Variants in NTN1 observed in about 807,000 individuals in gnomAD.
The protein encoded by NTN1 is netrin-1.
A neutral mutation model predicts 54.2 loss-of-function variants in NTN1; 11 were observed. The observed-to-expected ratio is 0.20, with a 90% CI of 0.13 to 0.34. The LOEUF is 0.34. Ranked by LOEUF, NTN1 falls within the 10% of genes least tolerant of loss-of-function variation. NTN1 has a pLI of 1.00. For missense variants in NTN1, 740 were observed against 893.1 expected (o/e 0.83, Z 2.18); for synonymous variants, 371 against 382.0 (o/e 0.97, Z 0.33).
intron 2 of NTN1, among the ~76,000 whole-genome samples, chr17:9,070,831 A>G (rs552037030): frequency 6.6e-6 from 1 of 152,208 alleles, no homozygotes; most frequent in African/African-American, 2.4e-5. Context: ...ACCTCAGGTG[A>G]TCTGCCCGCC....
At chr17:9,072,567 C>T (rs1384214224) in intron 2 of NTN1, among the ~76,000 whole-genome samples, 1 of 152,088 alleles carries the variant, frequency 6.6e-6, no homozygotes, top group Non-Finnish European at 1.5e-5. Flanking sequence ...AGTAGCTTTG[C>T]GTGCCCGCCT....
chr17:9,144,917 G>GAGAGGCAC (rs2092308929), intron 2 of NTN1, among the ~76,000 whole-genome samples: 1 of 152,106 alleles, frequency 6.6e-6, no homozygotes, highest in African/African-American at 2.4e-5. Flanking sequence ...GGACCCCCTG[G>GAGAGGCAC]AGAGGCACAC....
At position 9,241,336 on chromosome 17, in the gene NTN1, C is replaced by G. The variant is rs1255542128; in HGVS notation, c.*1368C>G. 6.5e-6 allele frequency: 1 copy of G among 152,722 alleles called. No individual in the cohort carries two copies. Among genetic ancestry groups the G allele is most frequent in the Non-Finnish European group, 1.5e-5 (1 of 68,420 alleles). The allele number at this position is 152,722 out of a possible 1,614,324, so 9.5% of individuals were successfully genotyped here. A position where few individuals can be genotyped will look rare whatever the true frequency, so the allele number is the denominator to read the frequency against. ...CTTTGTGGAGTCTGCCCGTGCCCTC[C>G]ACTGTGCCCCAGCCCTCCTTCCAAA... On this transcript the variant is annotated 3_prime_UTR_variant, in exon 7 of 7. Transcript: ENST00000173229.
intron 5 of NTN1, among the ~76,000 whole-genome samples, chr17:9,218,684 T>G (rs1243821055): frequency 1.3e-5 from 2 of 152,142 alleles, no homozygotes; most frequent in Non-Finnish European, 2.9e-5. Context: ...CGGGCTGCTC[T>G]GGAACCTTTC....
intron 2 of NTN1, among the ~76,000 whole-genome samples, chr17:9,150,785 A>G (rs1221593513): frequency 1.3e-5 from 2 of 152,122 alleles, no homozygotes; most frequent in Non-Finnish European, 2.9e-5. Flanking sequence ...AGATGTTTAC[A>G]GAGAAAAAAA....
At position 9,021,525 on chromosome 17, in the gene NTN1, GGC is replaced by G. The variant is rs2091847764; in HGVS notation, c.-122_-121del. On this transcript the variant is annotated 5_prime_UTR_variant, in exon 1 of 7. Coordinates refer to ENST00000173229, the MANE Select transcript of NTN1 (RefSeq NM_004822.3). The stretch of plus-strand genomic sequence containing the variant: ...TCCGCCCCTCACTCCCAGCGCGAGT[GGC>G]GGCGGCGGCGGAGCCTTCGGGGGCG... The G allele has an allele frequency of 6.6e-6, 1 of 151,812 alleles. No homozygotes were observed. The allele number at this position is 151,812 out of a possible 1,614,324, so 9.4% of individuals were successfully genotyped here. A position where few individuals can be genotyped will look rare whatever the true frequency, so the allele number is the denominator to read the frequency against.
intron 2 of NTN1, among the ~76,000 whole-genome samples, chr17:9,028,555 A>C (rs2091878828): frequency 6.6e-6 from 1 of 152,188 alleles, no homozygotes; most frequent in Admixed American, 6.5e-5. Flanking sequence ...CTGTAGAAAA[A>C]TGAGATCCTC....
chr17:9,236,107 G>C (rs1044201721), intron 6 of NTN1, among the ~76,000 whole-genome samples: 1 of 125,188 alleles, frequency 8.0e-6, no homozygotes, highest in African/African-American at 2.9e-5. Context: ...TGGATATCAA[G>C]TTCCAACATA....
At position 9,218,653 on chromosome 17, in the gene NTN1, C is replaced by T. The variant is rs368599807; in HGVS notation, c.1412-2515C>T. On this transcript the variant is annotated intron_variant, in intron 5 of 6. Coordinates refer to ENST00000173229, the MANE Select transcript of NTN1 (RefSeq NM_004822.3). ...TTCCTCCTGCCCCGCCCCCCACCCC[C>T]GGGGTGGGGCTTACCTTGGGCGGGC... is the stretch of plus-strand genomic sequence containing the variant. Among the ~76,000 whole-genome samples the T allele has an allele frequency of 6.2e-4, 94 of 152,256 alleles. 3 individuals are homozygous for T. The East Asian group carries it at 0.013, about 21-fold the overall frequency.
the NTN1 span, among the ~76,000 whole-genome samples, chr17:9,007,799 A>G: frequency 8.6e-5 from 13 of 151,468 alleles, no homozygotes; most frequent in Admixed American, 1.3e-4. Flanking sequence ...TGGCATGATC[A>G]TGCCTCATTG....
the NTN1 span, among the ~76,000 whole-genome samples, chr17:9,014,917 TCA>T: frequency 6.6e-6 from 1 of 152,196 alleles, no homozygotes; most frequent in African/African-American, 2.4e-5. Context: ...TTATTTTAGT[TCA>T]CACACTGCTT....
chr17:9,058,834 G>A (rs1176195775), intron 2 of NTN1, among the ~76,000 whole-genome samples: 1 of 151,996 alleles, frequency 6.6e-6, no homozygotes, highest in African/African-American at 2.4e-5. Context: ...TCTTTAAGGA[G>A]TTGAAGGGAG....
rs75436653 is a variant in NTN1, at chr17:9,068,808, C to T, written c.1018+45417C>T. Among the ~76,000 whole-genome samples, 911 of 152,100 alleles carry T rather than the reference C, an allele frequency of 6.0e-3. 11 individuals carry two copies. Among genetic ancestry groups the T allele is most frequent in the African/African-American group, 0.02 (834 of 41,512 alleles). On this transcript the variant is annotated intron_variant, in intron 2 of 6. Coordinates refer to ENST00000173229, the MANE Select transcript of NTN1 (RefSeq NM_004822.3). ...CAGGCATAAGCCACCGCGCCTGGCC[C>T]GATTTTTTAAAAAATAGGCCTTTTC...
intron 6 of NTN1, among the ~76,000 whole-genome samples, chr17:9,226,607 G>A (rs1440317749): frequency 2.6e-5 from 4 of 152,096 alleles, no homozygotes; most frequent in Admixed American, 6.5e-5. Context: ...TTACCCTCTA[G>A]GGGATCCGGC....
At chr17:9,015,372 C>T in the NTN1 span, among the ~76,000 whole-genome samples, 5 of 152,108 alleles carry the variant, frequency 3.3e-5, no homozygotes, top group East Asian at 7.7e-4. Context: ...GATCGTGCCA[C>T]TGCACTCCAG....
At chr17:9,031,344 G>A (rs1285441393) in intron 2 of NTN1, among the ~76,000 whole-genome samples, 1 of 152,098 alleles carries the variant, frequency 6.6e-6, no homozygotes, top group Non-Finnish European at 1.5e-5. Flanking sequence ...CTGCTTTGGG[G>A]CGGCCGTGGT....
At chr17:9,227,630 C>G (rs1227055518) in intron 6 of NTN1, among the ~76,000 whole-genome samples, 1 of 150,764 alleles carries the variant, frequency 6.6e-6, no homozygotes, top group African/African-American at 2.4e-5. Context: ...CAGACTATCA[C>G]GCACACACAT....
chr17:9,083,485 A>C (rs2092079228), intron 2 of NTN1, among the ~76,000 whole-genome samples: 1 of 152,178 alleles, frequency 6.6e-6, no homozygotes, highest in Admixed American at 6.5e-5. Context: ...TGGCTACAGG[A>C]ATTGGTTCAG....
At chr17:9,143,210 C>G (rs547747133) in intron 2 of NTN1, among the ~76,000 whole-genome samples, 26 of 152,154 alleles carry the variant, frequency 1.7e-4, no homozygotes, top group Non-Finnish European at 3.7e-4. Context: ...GATAAAGGGC[C>G]ACAGACTCCA....
Sources: allele counts gnomAD v4.1 joint callset (sites outside exome capture counted in the v4.1 genomes callset), GRCh38; gene constraint gnomAD v4.1.1; transcripts MANE v1.5; gene names NCBI Gene and HGNC (gene_info 2026-07-23, HGNC 2026-07-21).